GAREM1: variants seen among roughly 807,000 people sequenced by gnomAD.
GAREM1 encodes the protein GRB2 associated regulator of MAPK1 subtype 1.
In GAREM1, 26 loss-of-function variants were observed where a neutral mutation model predicts 71.3. The ratio of observed to expected loss-of-function variants is 0.36; its 90% CI spans 0.27 to 0.51. The LOEUF (loss-of-function observed/expected upper bound fraction) is 0.51. GAREM1 is among the 20% of genes least tolerant of loss of function. The pLI is 0.95. For synonymous variants in GAREM1, 440 were observed against 433.2 expected, an observed-to-expected ratio of 1.02 and a Z score of -0.20; for missense variants, 1,026 against 1,103.1, an observed-to-expected ratio of 0.93 and a Z score of 0.99.
At chr18:32,344,548 T>C (rs1239237199) in intron 2 of GAREM1, among the ~76,000 whole-genome samples, 1 of 152,192 alleles carries the variant, frequency 6.6e-6, no homozygotes, top group Admixed American at 6.5e-5. Flanking sequence ...CTGCTCACTA[T>C]GCTGAGTATA....
At chr18:32,452,056 T>A (rs575232487) in intron 1 of GAREM1, among the ~76,000 whole-genome samples, 1 of 152,232 alleles carries the variant, frequency 6.6e-6, no homozygotes, top group East Asian at 1.9e-4. Context: ...TATTCTGACA[T>A]GCTTTCTTGA....
Position 32,392,977 on chromosome 18 carries a change from C to T in GAREM1, c.180G>A (p.Gln60=). The change falls in exon 2 of 6, where the codon CAG becomes CAA. Residue 60 remains glutamine, a synonymous_variant. Transcript: ENST00000269209. ...AGCTGTGGGCAGTGATGGTGGTCCA[C>T]TGGCGGCAGGAATGAATCAGCAGAT... is the stretch of plus-strand genomic sequence containing the variant. ...NDYLLIHSCR[Q]WTTITAHSLE... 6.2e-7 allele frequency: 1 copy of T among 1,613,868 alleles called. No individual in the cohort carries two copies. The highest frequency in any genetic ancestry group is 1.3e-5 in the African/African-American group (1 of 75,028).
At chr18:32,275,244 T>C (rs899544336) in intron 4 of GAREM1, among the ~76,000 whole-genome samples, 1 of 152,172 alleles carries the variant, frequency 6.6e-6, no homozygotes, top group African/African-American at 2.4e-5. Flanking sequence ...GTAATGACTA[T>C]TCTAAAATGA....
At position 32,287,616 on chromosome 18, in the gene GAREM1, T is replaced by C. The variant is rs1342438479; in HGVS notation, c.981A>G (p.Leu327=). Residue 327 remains leucine, a synonymous_variant, in exon 4 of 6, where the codon CTA becomes CTG. Transcript: ENST00000269209. This position sits in a 1 kb window ranked among gnomAD's most constrained non-coding sequence, Gnocchi z 5.9. ...SWPETLVHHW[L]GICQEQFDID... is the part of the protein sequence containing the mutation. ...TGTCGAACTGTTCTTGGCAGATACC[T>C]AGCCAGTGATGGACCAGGGTTTCGG... 1.2e-6 allele frequency: 2 copies of C among 1,614,200 alleles called. No individual in the cohort carries two copies. Among genetic ancestry groups the C allele is most frequent in the Non-Finnish European group, 1.7e-6 (2 of 1,180,034 alleles).
chr18:32,360,092 T>C (rs2047851279), intron 2 of GAREM1, among the ~76,000 whole-genome samples: 1 of 152,134 alleles, frequency 6.6e-6, no homozygotes, highest in Non-Finnish European at 1.5e-5. Flanking sequence ...CTTCCTTTCC[T>C]ATCTTACCTT....
Position 32,317,677 on chromosome 18 carries a change from C to T in GAREM1, c.263-7354G>A, listed in dbSNP as rs113390878. 5.1e-3 allele frequency among the ~76,000 whole-genome samples: 746 copies of T among 146,428 alleles called. 1 individual carries two copies. Among genetic ancestry groups the T allele is most frequent in the Non-Finnish European group, 7.2e-3 (482 of 67,002 alleles). Reference sequence around the variant, plus strand: ...TTTTGCAAGATAAAATTTCTATGAACTTTTATTTCGCTGTTGCTTTTTTTT... The same window carrying T: ...TTTTGCAAGATAAAATTTCTATGAATTTTTATTTCGCTGTTGCTTTTTTTT... On this transcript the variant is annotated intron_variant, in intron 2 of 5. Transcript: ENST00000269209.
chr18:32,453,112 G>C (rs1434151576), intron 1 of GAREM1, among the ~76,000 whole-genome samples: 4 of 152,052 alleles, frequency 2.6e-5, no homozygotes, highest in Non-Finnish European at 5.9e-5. Flanking sequence ...ATGGTGGAAA[G>C]TGAAAGGCAC....
intron 1 of GAREM1, among the ~76,000 whole-genome samples, chr18:32,448,217 G>A (rs1487444613): frequency 6.6e-6 from 1 of 152,148 alleles, no homozygotes; most frequent in Admixed American, 6.5e-5. Flanking sequence ...TTGAAATTAT[G>A]TGAAGAACTG....
intron 2 of GAREM1, among the ~76,000 whole-genome samples, chr18:32,311,478 A>G (rs929104744): frequency 3.3e-5 from 5 of 152,234 alleles, no homozygotes; most frequent in African/African-American, 1.2e-4. Context: ...ATACTATAAT[A>G]CATGAGTAAG....
At chr18:32,299,981 ACTCAT>A (rs1173301727) in intron 3 of GAREM1, among the ~76,000 whole-genome samples, 1 of 152,232 alleles carries the variant, frequency 6.6e-6, no homozygotes, top group Non-Finnish European at 1.5e-5. Context: ...CAAAAGTCAT[ACTCAT>A]CTCAAGTGGG....
At chr18:32,395,672 C>T (rs1471420981) in intron 1 of GAREM1, among the ~76,000 whole-genome samples, 1 of 152,128 alleles carries the variant, frequency 6.6e-6, no homozygotes, top group Non-Finnish European at 1.5e-5. Context: ...TGTAATTTTA[C>T]ATTAGAGAAG....
At chr18:32,343,016 C>T (rs2047661704) in intron 2 of GAREM1, among the ~76,000 whole-genome samples, 1 of 152,208 alleles carries the variant, frequency 6.6e-6, no homozygotes, top group South Asian at 2.1e-4. Flanking sequence ...ACATGTCTGA[C>T]AGTCAGTCTC....
intron 2 of GAREM1, among the ~76,000 whole-genome samples, chr18:32,384,068 A>T (rs1051615508): frequency 3.9e-5 from 6 of 152,158 alleles, no homozygotes; most frequent in African/African-American, 7.2e-5. Flanking sequence ...TAATTTTTTT[A>T]AAAGTTCCTT....
At chr18:32,439,749 G>C (rs1002161402) in intron 1 of GAREM1, among the ~76,000 whole-genome samples, 1 of 151,966 alleles carries the variant, frequency 6.6e-6, no homozygotes, top group African/African-American at 2.4e-5. Context: ...GCAATGTTGG[G>C]TACTGAGCCT....
In GAREM1 at chr18:32,270,302, G is replaced by C. The variant is rs368373586; in HGVS notation, c.1648C>G (p.Pro550Ala). The change falls in exon 5 of 6, where the codon CCT (proline) becomes GCT (alanine). Residue 550 changes from proline to alanine, a missense_variant. By Grantham distance (27) the Pro-to-Ala change is conservative (BLOSUM62 -1). Coordinates refer to ENST00000269209, the MANE Select transcript of GAREM1 (RefSeq NM_001242409.2). ...CGCGCTGGCTTGACTGTGCGAGGAGGGATGGAGGGACTGGTGGACAAAGGC... is the reference window on the plus strand; with the variant it reads ...CGCGCTGGCTTGACTGTGCGAGGAGCGATGGAGGGACTGGTGGACAAAGGC... ...AKPLSTSPSI[P>A]PRTVKPARQQ... 6.2e-7 allele frequency: 1 copy of C among 1,613,932 alleles called. No individual in the cohort carries two copies. Among genetic ancestry groups the C allele is most frequent in the Non-Finnish European group, 8.5e-7 (1 of 1,179,980 alleles).
At chr18:32,415,121 T>G (rs1177503402) in intron 1 of GAREM1, among the ~76,000 whole-genome samples, 1 of 152,040 alleles carries the variant, frequency 6.6e-6, no homozygotes, top group Non-Finnish European at 1.5e-5. Flanking sequence ...ATGGATATAT[T>G]CCCAGACATA....
chr18:32,347,238 G>A (rs2047705239), intron 2 of GAREM1, among the ~76,000 whole-genome samples: 1 of 152,156 alleles, frequency 6.6e-6, no homozygotes, highest in African/African-American at 2.4e-5. Flanking sequence ...TGGCGCTCAT[G>A]TCTGTAATCC....
intron 2 of GAREM1, among the ~76,000 whole-genome samples, chr18:32,374,675 A>C (rs1041132780): frequency 2.2e-4 from 33 of 152,232 alleles, no homozygotes; most frequent in African/African-American, 7.7e-4. Flanking sequence ...TGTTCTGTAT[A>C]ATATGTGCCT....
intron 2 of GAREM1, among the ~76,000 whole-genome samples, chr18:32,315,219 C>A (rs2047364113): frequency 1.3e-5 from 2 of 151,868 alleles, no homozygotes; most frequent in African/African-American, 4.8e-5. Flanking sequence ...CCTAATATAT[C>A]AAACATTATA....
Sources: gnomAD v4.1 joint callset for allele counts (sites outside exome capture counted in the v4.1 genomes callset) on GRCh38, gnomAD v4.1.1 for gene constraint, Gnocchi (gnomAD v3.1) non-coding constraint, MANE v1.5 for transcripts, NCBI Gene and HGNC (gene_info 2026-07-23, HGNC 2026-07-21) for gene names.